The following GPHN variants were observed in gnomAD, a reference collection of about 807,000 sequenced individuals.
GPHN encodes the protein gephyrin.
Under a neutral mutation model 95.5 loss-of-function variants are expected in GPHN, and 17 were observed. The ratio of observed to expected loss-of-function variants is 0.18; its 90% CI spans 0.12 to 0.27. The LOEUF (loss-of-function observed/expected upper bound fraction) is 0.27, where lower values mean the gene tolerates loss of function less well. GPHN is among the 10% of genes least tolerant of loss of function. The probability of loss-of-function intolerance (pLI) is 1.00; values close to 1 mark genes in which losing one functional copy is unlikely to be tolerated. For missense variants in GPHN, 660 were observed against 978.1 expected (o/e 0.67, Z 4.34); for synonymous variants, 320 against 322.5 (o/e 0.99, Z 0.08).
chr14:67,094,171 G>A (rs540333268), intron 12 of GPHN, among the ~76,000 whole-genome samples: 12 of 152,184 alleles, frequency 7.9e-5, no homozygotes, highest in African/African-American at 2.6e-4. Flanking sequence ...TAATTCCATG[G>A]CAGATGATTT....
chr14:66,685,826 C>T (rs1288632325), intron 2 of GPHN, among the ~76,000 whole-genome samples: 1 of 152,174 alleles, frequency 6.6e-6, no homozygotes, highest in African/African-American at 2.4e-5. Context: ...TTGCCCATGC[C>T]TATGTCCTGA....
chr14:66,967,631 T>TA (rs1335028245), intron 9 of GPHN, among the ~76,000 whole-genome samples: 5 of 151,916 alleles, frequency 3.3e-5, no homozygotes, highest in Admixed American at 6.6e-5. Context: ...TCCTTTGTGC[T>TA]AAAAAAGTCT....
chr14:67,685,742 A>G, the GPHN span, among the ~76,000 whole-genome samples: 1 of 151,934 alleles, frequency 6.6e-6, no homozygotes, highest in East Asian at 1.9e-4. Context: ...CAGCCTCCCA[A>G]GTAGCTGGGA....
intron 1 of GPHN, among the ~76,000 whole-genome samples, chr14:66,610,694 A>T (rs1485210949): frequency 6.6e-6 from 1 of 152,142 alleles, no homozygotes; most frequent in Non-Finnish European, 1.5e-5. Context: ...GGTCATTGCG[A>T]TAGATGTAAG....
chr14:66,687,942 A>G (rs931967478), intron 2 of GPHN, among the ~76,000 whole-genome samples: 1 of 152,200 alleles, frequency 6.6e-6, no homozygotes, highest in Non-Finnish European at 1.5e-5. Context: ...CTTGAACAGT[A>G]TGAGTATTTG....
intron 17 of GPHN, among the ~76,000 whole-genome samples, chr14:67,126,968 T>C (rs1335303549): frequency 6.6e-6 from 1 of 151,888 alleles, no homozygotes; most frequent in Non-Finnish European, 1.5e-5. Flanking sequence ...AAATTGGAAA[T>C]GATCATTCTC....
At chr14:67,433,152 G>C in the GPHN span, among the ~76,000 whole-genome samples, 2 of 152,198 alleles carry the variant, frequency 1.3e-5, no homozygotes, top group Non-Finnish European at 2.9e-5. Context: ...CATCTTACAA[G>C]GAGGGCCAGA....
the GPHN span, among the ~76,000 whole-genome samples, chr14:67,324,329 ATGT>A: frequency 6.6e-6 from 1 of 152,164 alleles, no homozygotes. Flanking sequence ...GACTGATAAC[ATGT>A]TATTAATAAG....
chr14:67,575,682 G>A, the GPHN span: 11 of 730,258 alleles, frequency 1.5e-5, no homozygotes, highest in African/African-American at 1.2e-4. Flanking sequence ...AGCCTGGCTG[G>A]GATGCTATAG....
chr14:66,599,710 T>C (rs1284236350), intron 1 of GPHN, among the ~76,000 whole-genome samples: 1 of 151,844 alleles, frequency 6.6e-6, no homozygotes, highest in Admixed American at 6.6e-5. Context: ...GTTTAAGATA[T>C]TAAATAATAG....
At chr14:67,083,068 A>G (rs535384557) in intron 11 of GPHN, among the ~76,000 whole-genome samples, 1 of 152,238 alleles carries the variant, frequency 6.6e-6, no homozygotes, top group Admixed American at 6.5e-5. Flanking sequence ...ATAGAAAAAG[A>G]CATTTTGAGT....
chr14:67,449,040 C>T, the GPHN span, among the ~76,000 whole-genome samples: 1 of 152,174 alleles, frequency 6.6e-6, no homozygotes, highest in Non-Finnish European at 1.5e-5. Context: ...GGAGGAGCTT[C>T]TGTCCATGAT....
At chr14:67,366,082 T>C in the GPHN span, among the ~76,000 whole-genome samples, 1 of 130,486 alleles carries the variant, frequency 7.7e-6, no homozygotes, top group Non-Finnish European at 1.7e-5. Flanking sequence ...AATCTTGTAC[T>C]TTTTTTTTTT....
chr14:67,525,562 G>T, the GPHN span, among the ~76,000 whole-genome samples: 1 of 152,196 alleles, frequency 6.6e-6, no homozygotes, highest in Admixed American at 6.5e-5. Context: ...AATTGTAGCT[G>T]AAGAAAGGAC....
At chr14:66,763,717 C>A (rs2058850409) in intron 2 of GPHN, among the ~76,000 whole-genome samples, 1 of 151,990 alleles carries the variant, frequency 6.6e-6, no homozygotes, top group Non-Finnish European at 1.5e-5. Flanking sequence ...GCAGGGTTCC[C>A]CAAACCCTGG....
chr14:66,900,139 T>G (rs2065057156), intron 5 of GPHN, among the ~76,000 whole-genome samples: 2 of 151,980 alleles, frequency 1.3e-5, no homozygotes, highest in South Asian at 4.1e-4. Context: ...ATTTCCATCT[T>G]TTTTTCAGTC....
At chr14:67,565,317 C>T in the GPHN span, among the ~76,000 whole-genome samples, 3 of 152,228 alleles carry the variant, frequency 2.0e-5, no homozygotes, top group Non-Finnish European at 2.9e-5. Flanking sequence ...AATCACAGTC[C>T]ACTGCAGCCT....
chr14:66,822,083 C>T (rs1209953929), intron 3 of GPHN, among the ~76,000 whole-genome samples: 2 of 152,118 alleles, frequency 1.3e-5, no homozygotes, highest in Non-Finnish European at 2.9e-5. Flanking sequence ...TCCCGAGTAG[C>T]TGGGATTAGA....
At chr14:66,545,775 G>C in intron 1 of GPHN, among the ~76,000 whole-genome samples, 1 of 144,042 alleles carries the variant, frequency 6.9e-6, no homozygotes, top group East Asian at 2.2e-4. Flanking sequence ...GCAGCTGGCC[G>C]GGCAGAGGGG....
Sources: gnomAD v4.1 joint callset for allele counts (sites outside exome capture counted in the v4.1 genomes callset) on GRCh38, gnomAD v4.1.1 for gene constraint, MANE v1.5 for transcripts, NCBI Gene and HGNC (gene_info 2026-07-23, HGNC 2026-07-21) for gene names.